Variants in CDC42BPA observed in about 807,000 individuals in gnomAD.
The protein encoded by CDC42BPA is CDC42 binding protein kinase alpha.
CDC42BPA carries 80 observed loss-of-function variants against 223.5 expected under a neutral mutation model. The ratio of observed to expected loss-of-function variants is 0.36; its 90% CI spans 0.30 to 0.43. The LOEUF (loss-of-function observed/expected upper bound fraction) is 0.43, where lower values mean the gene tolerates loss of function less well. Among genes scored for constraint, CDC42BPA ranks in the 20% least tolerant of loss-of-function variants. CDC42BPA has a pLI of 1.00. For synonymous variants in CDC42BPA, 694 were observed against 718.6 expected (o/e 0.97, Z 0.55); for missense variants, 1,743 against 2,099.9 (o/e 0.83, Z 3.32).
chr1:227,122,299 T>C (rs184803652), intron 11 of CDC42BPA, among the ~76,000 whole-genome samples: 8 of 152,192 alleles, frequency 5.3e-5, no homozygotes, highest in Admixed American at 4.6e-4. Flanking sequence ...CTTTCTTTCT[T>C]CTACTTCTGA....
intron 23 of CDC42BPA, among the ~76,000 whole-genome samples, chr1:227,043,031 TA>T (rs1311794373): frequency 4.6e-5 from 7 of 152,164 alleles, no homozygotes; most frequent in Non-Finnish European, 1.0e-4. Context: ...TGTAGATAAT[TA>T]AACTTTTACC....
chr1:227,276,080 G>C (rs141328040), intron 1 of CDC42BPA, among the ~76,000 whole-genome samples: 3 of 151,692 alleles, frequency 2.0e-5, no homozygotes, highest in Non-Finnish European at 4.4e-5. Context: ...GGGATGTGAG[G>C]AGCCCCTCTG....
chr1:227,278,191 A>G (rs72632805), intron 1 of CDC42BPA, among the ~76,000 whole-genome samples: 14,915 of 152,242 alleles, frequency 0.098, 1,173 homozygotes, highest in East Asian at 0.36. Flanking sequence ...TTGTTGTTAC[A>G]CTGTCTCTAC....
intron 15 of CDC42BPA, among the ~76,000 whole-genome samples, chr1:227,095,777 A>C (rs995575238): frequency 6.6e-6 from 1 of 152,052 alleles, no homozygotes; most frequent in Non-Finnish European, 1.5e-5. Flanking sequence ...TTTTCAGTAG[A>C]GATGGGGTTT....
chr1:227,257,754 A>C (rs1683333598), intron 1 of CDC42BPA, among the ~76,000 whole-genome samples: 1 of 119,758 alleles, frequency 8.4e-6, no homozygotes, highest in Non-Finnish European at 1.7e-5. Flanking sequence ...ACTCTGTCTC[A>C]AAAAAAAAAG....
At position 227,005,013 on chromosome 1, in the gene CDC42BPA, A is replaced by C. The variant is rs150430697; in HGVS notation, c.4956T>G (p.Ala1652=). ...ACTTACTTGCTGACAAGCCACTGCT[A>C]GCACTCATGGAGCGGCCTGGCTCAG... ...SRPEPGRSMS[A]SSGLSARSSA... The change falls in exon 35 of 37, where the codon GCT becomes GCG. Residue 1652 remains alanine (A), a synonymous_variant. Transcript: ENST00000366766. 3.7e-6 allele frequency: 6 copies of C among 1,613,680 alleles called. No homozygotes were observed. In the East Asian group the frequency reaches 1.1e-4, roughly 30 times the overall value.
intron 3 of CDC42BPA, among the ~76,000 whole-genome samples, chr1:227,209,341 C>T (rs991119560): frequency 2.1e-5 from 3 of 144,840 alleles, no homozygotes; most frequent in Admixed American, 1.4e-4. Context: ...AATTGAATAC[C>T]CTTTATTTCC....
chr1:227,257,138 T>A (rs1312269399), intron 1 of CDC42BPA, among the ~76,000 whole-genome samples: 1 of 151,990 alleles, frequency 6.6e-6, no homozygotes, highest in South Asian at 2.1e-4. Context: ...AATAGGCAAA[T>A]TCATAGAGAC....
intron 3 of CDC42BPA, among the ~76,000 whole-genome samples, chr1:227,212,379 T>C (rs1439603191): frequency 6.6e-6 from 1 of 152,138 alleles, no homozygotes; most frequent in Non-Finnish European, 1.5e-5. Context: ...CTTACTAACT[T>C]CCAGGGCTAT....
chr1:227,162,983 C>CAT (rs528054549), intron 5 of CDC42BPA, among the ~76,000 whole-genome samples: 9,099 of 46,168 alleles, frequency 0.2, 296 homozygotes, highest in African/African-American at 0.24. Context: ...TGTTTCCAAA[C>CAT]ATGTTTCCAA....
At chr1:227,204,971 C>A (rs1672401447) in intron 3 of CDC42BPA, among the ~76,000 whole-genome samples, 3 of 151,868 alleles carry the variant, frequency 2.0e-5, no homozygotes, top group African/African-American at 7.3e-5. Flanking sequence ...AAAATATAGC[C>A]ATTCAGGCCG....
chr1:227,182,464 C>T (rs1194145011), intron 5 of CDC42BPA, among the ~76,000 whole-genome samples: 2 of 152,222 alleles, frequency 1.3e-5, no homozygotes, highest in African/African-American at 2.4e-5. Flanking sequence ...CCTTCCTTTT[C>T]CTAAAAATTT....
intron 23 of CDC42BPA, among the ~76,000 whole-genome samples, chr1:227,045,079 T>C (rs1672163325): frequency 6.6e-6 from 1 of 152,194 alleles, no homozygotes; most frequent in South Asian, 2.1e-4. Context: ...TCTTAACCGG[T>C]CTGTGTACAA....
intron 1 of CDC42BPA, among the ~76,000 whole-genome samples, chr1:227,291,488 G>A (rs911517074): frequency 1.3e-5 from 2 of 152,176 alleles, no homozygotes; most frequent in African/African-American, 4.8e-5. Context: ...GGCGGAGGTT[G>A]TAGTGAGCCA....
chr1:227,047,955 C>T lies in CDC42BPA; in HGVS notation c.3065G>A (p.Cys1022Tyr), dbSNP rs767919813. 1.2e-6 allele frequency: 2 copies of T among 1,610,784 alleles called. No individual in the cohort carries two copies. Among genetic ancestry groups the T allele is most frequent in the Non-Finnish European group, 1.7e-6 (2 of 1,177,454 alleles). Residue 1022 changes from cysteine to tyrosine, a missense_variant, in exon 23 of 37, where the codon TGT becomes TAT. By Grantham distance (194) the Cys-to-Tyr change is radical. Coordinates refer to ENST00000366766, the MANE Select transcript of CDC42BPA (RefSeq NM_001394014.1). Reference sequence around the variant, plus strand: ...AGGTGGAAAGCCAGTTGAACCAGGACATCCTTTTTTCCTTAAGGTTGGTGT... The same window carrying T: ...AGGTGGAAAGCCAGTTGAACCAGGATATCCTTTTTTCCTTAAGGTTGGTGT... ...VHTPTLRKKG[C>Y]PGSTGFPPKR...
In CDC42BPA at chr1:227,013,456, T is replaced by TA. The variant is rs1435024496; in HGVS notation, c.4857+2623dup. Reference sequence around the variant, plus strand: ...GAAAATGTAGAGGAGGGATCTCTGATAAAAAAAGTTCTTATAATGTTTGAA... The same window carrying TA: ...GAAAATGTAGAGGAGGGATCTCTGATAAAAAAAAGTTCTTATAATGTTTGAA... On this transcript the variant is annotated intron_variant, in intron 34 of 36. Transcript: ENST00000366766. Among the ~76,000 whole-genome samples the TA allele has an allele frequency of 3.9e-5, 6 of 152,082 alleles. No homozygotes were observed. In the East Asian group the frequency reaches 7.7e-4, roughly 20 times the overall value.
intron 21 of CDC42BPA, among the ~76,000 whole-genome samples, chr1:227,058,029 T>C (rs1359172803): frequency 6.6e-6 from 1 of 152,198 alleles, no homozygotes; most frequent in African/African-American, 2.4e-5. Context: ...ACACAACATA[T>C]TGGTTTTCCC....
chr1:227,190,311 T>C (rs896008492), intron 5 of CDC42BPA, among the ~76,000 whole-genome samples: 10 of 152,236 alleles, frequency 6.6e-5, no homozygotes, highest in African/African-American at 2.4e-4. Context: ...CTATGCTACT[T>C]ACTAACTAAT....
At chr1:227,099,291 G>C (rs1684568842) in intron 15 of CDC42BPA, among the ~76,000 whole-genome samples, 1 of 150,972 alleles carries the variant, frequency 6.6e-6, no homozygotes, top group Non-Finnish European at 1.5e-5. Flanking sequence ...GGTCCTTCAG[G>C]AAGTATTCCC....
Sources: gnomAD v4.1 joint callset for allele counts (sites outside exome capture counted in the v4.1 genomes callset) on GRCh38, gnomAD v4.1.1 for gene constraint, MANE v1.5 for transcripts, NCBI Gene and HGNC (gene_info 2026-07-23, HGNC 2026-07-21) for gene names.